The following HLTF variants were observed in gnomAD, a reference collection of about 807,000 sequenced individuals.
HLTF encodes the protein DNA-dependent ATPase/E3 ubiquitin-protein ligase HLTF.
HLTF carries 127 observed loss-of-function variants against 129.4 expected under a neutral mutation model. The observed-to-expected ratio is 0.98, with a 90% confidence interval of 0.85 to 1.14. HLTF has a LOEUF of 1.14. Ranked by LOEUF, HLTF falls within the 50% of genes most tolerant of loss-of-function variation. HLTF has a pLI of 0.00. For synonymous variants in HLTF, 332 were observed against 388.8 expected (o/e 0.85, Z 1.72); for missense variants, 1,139 against 1,187.1 (o/e 0.96, Z 0.60).
At chr3:149,062,307 GT>G (rs147881841) in intron 10 of HLTF, among the ~76,000 whole-genome samples, 4,167 of 152,192 alleles carry the variant, frequency 0.027, 204 homozygotes, top group African/African-American at 0.096. Flanking sequence ...AATTAACAGT[GT>G]TGTGTTACCC....
intron 2 of HLTF, among the ~76,000 whole-genome samples, chr3:149,082,920 A>G (rs1444288007): frequency 6.6e-6 from 1 of 152,220 alleles, no homozygotes; most frequent in African/African-American, 2.4e-5. Flanking sequence ...TCTGGATGAT[A>G]GACTTCAGAA....
intron 2 of HLTF, among the ~76,000 whole-genome samples, chr3:149,076,730 A>G (rs1719389158): frequency 6.6e-6 from 1 of 152,202 alleles, no homozygotes. Context: ...ATTTTTAAAA[A>G]CTGAAGGAGG....
rs1715115709 is a variant in HLTF at position 149,032,154 on chromosome 3, T to A, written c.*66A>T. 1.2e-5 allele frequency: 15 copies of A among 1,223,978 alleles called. No homozygotes were observed. Among genetic ancestry groups the A allele is most frequent in the East Asian group, 2.5e-5 (1 of 39,486 alleles). 75.8% of individuals were successfully genotyped at this position (1,223,978 alleles called of 1,614,324 possible). On this transcript the variant is annotated 3_prime_UTR_variant, in exon 25 of 25. Coordinates refer to ENST00000310053, the MANE Select transcript of HLTF (RefSeq NM_003071.4). ...GTTCTCTAGATCTCATTTCTAAAACTCTGTATTTTTCTCATTTCTAAAACT... is the reference window on the plus strand; with the variant it reads ...GTTCTCTAGATCTCATTTCTAAAACACTGTATTTTTCTCATTTCTAAAACT...
chr3:149,059,893 A>T lies in HLTF; in HGVS notation c.1286-86T>A, dbSNP rs565529802. On this transcript the variant is annotated intron_variant, in intron 12 of 24. Transcript: ENST00000310053. ...GTACTTTCTAAGGGTAAGAAATAGA[A>T]TATCATTTTCACCCTCTATTGTAAG... 3.5e-5 allele frequency: 29 copies of T among 823,668 alleles called. 1 individual carries two copies. The highest frequency in any genetic ancestry group is 3.4e-4 in the African/African-American group (19 of 55,846). The allele number at this position is 823,668 out of a possible 1,614,324, so 51.0% of individuals were successfully genotyped here. A position where few individuals can be genotyped will look rare whatever the true frequency, so the allele number is the denominator to read the frequency against.
chr3:149,055,182 C>A, intron 14 of HLTF, 121 bp downstream of exon 14: 1 of 617,330 alleles, frequency 1.6e-6, no homozygotes, highest in South Asian at 2.7e-5. Context: ...ATTATTTGAA[C>A]TTAGATACGA....
chr3:149,033,826 T>C (rs1392375695), intron 24 of HLTF, among the ~76,000 whole-genome samples: 5 of 152,144 alleles, frequency 3.3e-5, no homozygotes, highest in African/African-American at 1.2e-4. Context: ...CCTTCTGTCC[T>C]AGGTAAGACC....
chr3:149,045,925 CTTTA>C (rs1317700230), intron 18 of HLTF, among the ~76,000 whole-genome samples, 151 bp downstream of exon 18: 1 of 152,154 alleles, frequency 6.6e-6, no homozygotes. Flanking sequence ...ATTTCATTCA[CTTTA>C]TTGATTTGTA....
chr3:149,048,714 A>G, intron 16 of HLTF, 149 bp downstream of exon 16: 2 of 619,582 alleles, frequency 3.2e-6, no homozygotes, highest in Non-Finnish European at 5.6e-6. Flanking sequence ...ATTATGAAGA[A>G]CAACTCAAAA....
chr3:149,078,826 C>T (rs963056840), intron 2 of HLTF, among the ~76,000 whole-genome samples: 2 of 150,664 alleles, frequency 1.3e-5, no homozygotes, highest in Admixed American at 1.3e-4. Context: ...CACTGCACTC[C>T]AGCCTGGGCG....
At chr3:149,065,122 G>A (rs906599715) in intron 8 of HLTF, among the ~76,000 whole-genome samples, 5 of 150,964 alleles carry the variant, frequency 3.3e-5, no homozygotes, top group Non-Finnish European at 5.9e-5. Flanking sequence ...AAGGAATACC[G>A]AAAGCAAATC....
chr3:149,084,280 C>G (rs750948157), intron 2 of HLTF, among the ~76,000 whole-genome samples: 8 of 152,110 alleles, frequency 5.3e-5, no homozygotes, highest in Non-Finnish European at 1.0e-4. Context: ...CCTAAGGAAT[C>G]TCCTGTCGAA....
Position 149,032,734 on chromosome 3 carries a change from G to A in HLTF, c.2878-362C>T, listed in dbSNP as rs529889615. On this transcript the variant is annotated intron_variant, in intron 24 of 24. Coordinates refer to ENST00000310053, the MANE Select transcript of HLTF (RefSeq NM_003071.4). ...TCCCAGCACTTTGGGAGGCCGAGGC[G>A]GGCAGATCATGAGGTCAGGAGATCG... Among the ~76,000 whole-genome samples, 529 of 152,112 alleles carry A rather than the reference G, an allele frequency of 3.5e-3. 2 individuals carry two copies. The highest frequency in any genetic ancestry group is 0.012 in the African/African-American group (505 of 41,518).
chr3:149,076,192 C>T (rs1312084591), intron 2 of HLTF, 145 bp from the exon 3 acceptor site: 1 of 397,512 alleles, frequency 2.5e-6, no homozygotes, highest in East Asian at 3.8e-5. Flanking sequence ...ACACAAACTA[C>T]AGAAATATTA....
intron 13 of HLTF, among the ~76,000 whole-genome samples, chr3:149,058,435 T>C (rs1374812772): frequency 6.6e-6 from 1 of 152,172 alleles, no homozygotes. Flanking sequence ...GTTATTTGGG[T>C]TTTCTTTCTA....
intron 15 of HLTF, among the ~76,000 whole-genome samples, chr3:149,049,632 T>A (rs1412708522): frequency 6.6e-6 from 1 of 152,168 alleles, no homozygotes; most frequent in Non-Finnish European, 1.5e-5. Context: ...AAAATAAAAT[T>A]CATTTACAAA....
intron 12 of HLTF, 67 bp downstream of exon 12, chr3:149,060,576 A>G: frequency 7.8e-7 from 1 of 1,281,276 alleles, no homozygotes. Flanking sequence ...CTAGCGAGAT[A>G]CAAATCAATG....
chr3:149,085,017 AGTTACTCTC>A, intron 1 of HLTF, 128 bp from the exon 2 acceptor site: 1 of 686,420 alleles, frequency 1.5e-6, no homozygotes, highest in Non-Finnish European at 2.4e-6. Flanking sequence ...AAAGATTAAT[AGTTACTCTC>A]GTTAAAGCAG....
Position 149,032,361 on chromosome 3 carries a change from CT to C in HLTF, c.2888del (p.Lys963ArgfsTer9). ...TCAGCATATTTTCTTCAACAGAGTC[CT>C]TTACAATGAACTTTAAAAAGAAAAA... ...QEVIITKFIV[K>X]DSVEENMLKI... On this transcript the variant is annotated frameshift_variant, in exon 25 of 25. Coordinates refer to ENST00000310053, the MANE Select transcript of HLTF (RefSeq NM_003071.4). LOFTEE classifies it high-confidence loss of function. The C allele has an allele frequency of 6.6e-7, 1 of 1,518,144 alleles. No individual in the cohort carries two copies. Among genetic ancestry groups the C allele is most frequent in the Non-Finnish European group, 8.8e-7 (1 of 1,131,162 alleles). 94.0% of individuals were successfully genotyped at this position (1,518,144 alleles called of 1,614,324 possible). A position where few individuals can be genotyped will look rare whatever the true frequency, so the allele number is the denominator to read the frequency against.
Position 149,046,247 on chromosome 3 carries a change from G to A in HLTF, c.1905C>T (p.Ser635=), listed in dbSNP as rs1391615872. 1.3e-6 allele frequency: 2 copies of A among 1,553,032 alleles called. No individual in the cohort carries two copies. Among genetic ancestry groups the A allele is most frequent in the African/African-American group, 2.8e-5 (2 of 72,710 alleles). The change falls in exon 18 of 25, where the codon TCC becomes TCT. Residue 635 remains serine, a synonymous_variant. Transcript: ENST00000310053. ...GDEGGLRRLQ[S]LIKNITLRRT... ...TTCTAAGTGTAATATTTTTAATTAG[G>A]GACTGTAAACGCCTAATCAGAATAA...
Sources: gnomAD v4.1 joint callset for allele counts (sites outside exome capture counted in the v4.1 genomes callset) on GRCh38, gnomAD v4.1.1 for gene constraint, MANE v1.5 for transcripts, NCBI Gene and HGNC (gene_info 2026-07-23, HGNC 2026-07-21) for gene names.